The following MRPL58 variants were observed in gnomAD, a reference collection of about 807,000 sequenced individuals.
MRPL58 encodes mitochondrial ribosomal protein L58, also known as large ribosomal subunit protein mL62.
In MRPL58, 17 loss-of-function variants were observed where a neutral mutation model predicts 26.0. The observed-to-expected ratio is 0.65, with a 90% confidence interval of 0.45 to 0.98. The LOEUF is 0.98. MRPL58 is among the 50% of genes least tolerant of loss of function. The probability of loss-of-function intolerance (pLI) is 0.00; values close to 1 mark genes in which losing one functional copy is unlikely to be tolerated. For missense variants in MRPL58, 250 were observed against 269.0 expected, an observed-to-expected ratio of 0.93 and a Z score of 0.49; for synonymous variants, 100 against 99.7, an observed-to-expected ratio of 1.00 and a Z score of -0.02.
In MRPL58 at chr17:75,012,877, G is replaced by A; in HGVS notation, c.186+5G>A. On this transcript the variant is annotated splice_donor_5th_base_variant and intron_variant, in intron 1 of 5. Coordinates refer to ENST00000301585, the MANE Select transcript of MRPL58 (RefSeq NM_001545.3). ...GACACCGCCTGGAGGGTCCCGGTGA[G>A]CCGGGAAGGACTGGACGGAAGGGGC... 6.2e-7 allele frequency: 1 copy of A among 1,604,554 alleles called. No homozygotes were observed. The highest frequency in any genetic ancestry group is 8.5e-7 in the Non-Finnish European group (1 of 1,176,638).
intron 2 of MRPL58, among the ~76,000 whole-genome samples, chr17:75,018,295 G>A (rs943546838): frequency 2.0e-5 from 3 of 151,054 alleles, no homozygotes; most frequent in African/African-American, 4.9e-5. Flanking sequence ...GCAGTGGCCC[G>A]ATCTCGGCTC....
intron 1 of MRPL58, among the ~76,000 whole-genome samples, chr17:75,015,933 G>A (rs1440264778): frequency 6.7e-6 from 1 of 150,120 alleles, no homozygotes; most frequent in Non-Finnish European, 1.5e-5. Flanking sequence ...TTACAGGTGT[G>A]TGCCACCATG....
At chr17:75,013,474 G>T (rs2039949165) in intron 1 of MRPL58, among the ~76,000 whole-genome samples, 1 of 152,242 alleles carries the variant, frequency 6.6e-6, no homozygotes, top group Admixed American at 6.5e-5. Context: ...TAGGCTAGGG[G>T]ATGGAGTAGC....
At chr17:75,012,919 G>T (rs377660208) in intron 1 of MRPL58, 47 bp downstream of exon 1, 3 of 1,560,104 alleles carry the variant, frequency 1.9e-6, no homozygotes, top group African/African-American at 2.8e-5. Context: ...TCAGGCTGCT[G>T]GGTGACGTTA....
At chr17:75,014,078 A>G (rs2039953871) in intron 1 of MRPL58, among the ~76,000 whole-genome samples, 1 of 151,994 alleles carries the variant, frequency 6.6e-6, no homozygotes, top group Non-Finnish European at 1.5e-5. Flanking sequence ...AGTCATGAGA[A>G]TTGGTCAGAT....
Position 75,019,715 on chromosome 17 carries a change from C to G in MRPL58, c.239C>G (p.Ser80Cys). 6.2e-7 allele frequency: 1 copy of G among 1,612,420 alleles called. No individual in the cohort carries two copies. Among genetic ancestry groups the G allele is most frequent in the Non-Finnish European group, 8.5e-7 (1 of 1,178,686 alleles). The change falls in exon 3 of 6, where the codon TCT becomes TGT. Residue 80 changes from serine (S) to cysteine (C), a missense_variant. Physicochemically the swap from Ser to Cys is moderately radical, Grantham distance 112 (BLOSUM62 -1). Transcript: ENST00000301585. The stretch of plus-strand genomic sequence containing the variant: ...TGTTTTACAGATCGCTTGACAATAT[C>G]TTATTGTCGGAGTAGTGGTCCTGGG... ...SDIPLDRLTI[S>C]YCRSSGPGGQ...
At chr17:75,017,197 A>C in intron 2 of MRPL58, 83 bp downstream of exon 2, 1 of 1,073,032 alleles carries the variant, frequency 9.3e-7, no homozygotes, top group South Asian at 1.3e-5. Flanking sequence ...AGGCTGAGGC[A>C]GGAGAATCGC....
intron 2 of MRPL58, among the ~76,000 whole-genome samples, chr17:75,018,854 C>T (rs897703668): frequency 2.0e-5 from 3 of 151,650 alleles, no homozygotes; most frequent in Non-Finnish European, 4.4e-5. Flanking sequence ...GATGCTGGCT[C>T]CCTGTGGCCC....
At chr17:75,014,417 A>G (rs7217394) in intron 1 of MRPL58, among the ~76,000 whole-genome samples, 15,067 of 121,416 alleles carry the variant, frequency 0.12, 1,807 homozygotes, top group African/African-American at 0.32. Flanking sequence ...GGTCTTGATC[A>G]CGGGCGTGAG....
chr17:75,019,740 G>A lies in MRPL58; in HGVS notation c.264G>A (p.Gly88=), dbSNP rs11542097. 2.6e-4 allele frequency: 414 copies of A among 1,607,976 alleles called. No homozygotes were observed. The highest frequency in any genetic ancestry group is 2.1e-3 in the Admixed American group (124 of 59,590). ...CTTATTGTCGGAGTAGTGGTCCTGG[G>A]GGGCAGAATGTGAACAAAGGTACGG... ...TISYCRSSGP[G]GQNVNKVNSK... is the part of the protein sequence containing the mutation. Residue 88 remains glycine, a synonymous_variant, in exon 3 of 6, where the codon GGG becomes GGA. Transcript: ENST00000301585.
chr17:75,013,370 C>T (rs2039948392), intron 1 of MRPL58, among the ~76,000 whole-genome samples: 1 of 152,190 alleles, frequency 6.6e-6, no homozygotes, highest in Non-Finnish European at 1.5e-5. Context: ...AGATAAGACC[C>T]ACCCAAACCC....
rs762091471 is a variant in MRPL58 at position 75,012,822 on chromosome 17, G to A, written c.136G>A (p.Asp46Asn). Residue 46 changes from aspartate (D) to asparagine (N), a missense_variant, in exon 1 of 6, where the codon GAC becomes AAC. Physicochemically the swap from Asp to Asn is conservative, Grantham distance 23. Transcript: ENST00000301585. Reference sequence around the variant, plus strand: ...TGAGTTCAAGAGCATCTACAGCCTGGACAAGCTCTACCCCGAATCTCAGGG... The same window carrying A: ...TGAGTTCAAGAGCATCTACAGCCTGAACAAGCTCTACCCCGAATCTCAGGG... ...GTEFKSIYSL[D>N]KLYPESQGSD... 7 of 1,612,552 alleles carry A rather than the reference G, an allele frequency of 4.3e-6. No individual in the cohort carries two copies. The African/African-American group carries it at 8.0e-5, about 19-fold the overall frequency.
chr17:75,016,927 C>T, intron 1 of MRPL58, 151 bp from the exon 2 acceptor site: 2 of 679,686 alleles, frequency 2.9e-6, no homozygotes, highest in South Asian at 3.3e-5. Flanking sequence ...GATGCTTTTT[C>T]TGTCATCGTG....
chr17:75,018,168 G>A (rs567956974), intron 2 of MRPL58, among the ~76,000 whole-genome samples: 1 of 152,216 alleles, frequency 6.6e-6, no homozygotes, highest in East Asian at 1.9e-4. Flanking sequence ...TGAATTGAAA[G>A]AGGAAGACAC....
In MRPL58 at chr17:75,012,852, G is replaced by A. The variant is rs754475699; in HGVS notation, c.166G>A (p.Asp56Asn). The change falls in exon 1 of 6, where the codon GAC becomes AAC. Residue 56 changes from aspartate to asparagine, a missense_variant. Transcript: ENST00000301585. ...GCTCTACCCCGAATCTCAGGGCTCG[G>A]ACACCGCCTGGAGGGTCCCGGTGAG... Reference protein sequence around the residue: ...DKLYPESQGSDTAWRVPNGAK... With the variant: ...DKLYPESQGSNTAWRVPNGAK... The A allele has an allele frequency of 1.9e-6, 3 of 1,611,686 alleles. No homozygotes were observed. The highest frequency in any genetic ancestry group is 4.5e-5 in the East Asian group (2 of 44,492).
chr17:75,016,552 G>A (rs1348048683), intron 1 of MRPL58, among the ~76,000 whole-genome samples: 1 of 152,122 alleles, frequency 6.6e-6, no homozygotes, highest in African/African-American at 2.4e-5. Context: ...GCTGAAGGGC[G>A]TTGCTGCTTG....
At chr17:75,020,761 AC>A (rs1299060282) in intron 5 of MRPL58, 104 bp downstream of exon 5, 3 of 1,335,098 alleles carry the variant, frequency 2.2e-6, no homozygotes, top group Non-Finnish European at 3.2e-6. Context: ...CTTGGGAGAA[AC>A]TCTAGGAAGA....
intron 2 of MRPL58, among the ~76,000 whole-genome samples, chr17:75,017,617 G>A (rs1382695127): frequency 3.3e-5 from 5 of 151,356 alleles, no homozygotes; most frequent in African/African-American, 2.4e-5. Flanking sequence ...GTGTGGTGGC[G>A]AGGGCCTGTA....
intron 1 of MRPL58, among the ~76,000 whole-genome samples, chr17:75,015,618 G>A (rs1394648655): frequency 2.0e-5 from 3 of 152,176 alleles, no homozygotes; most frequent in Non-Finnish European, 4.4e-5. Context: ...AAAGGAGAGT[G>A]AGAAAGAGTC....
Sources: gnomAD v4.1 joint callset for allele counts (sites outside exome capture counted in the v4.1 genomes callset) on GRCh38, gnomAD v4.1.1 for gene constraint, MANE v1.5 for transcripts, NCBI Gene and HGNC (gene_info 2026-07-23, HGNC 2026-07-21) for gene names.